Variants in TP63 observed in about 807,000 individuals in gnomAD.
The protein encoded by TP63 is tumor protein p63, also known as tumor protein 63.
A neutral mutation model predicts 82.8 loss-of-function variants in TP63; 17 were observed. The observed-to-expected ratio is 0.21, with a 90% CI of 0.14 to 0.31. The LOEUF is 0.31. Among genes scored for constraint, TP63 ranks in the 10% least tolerant of loss-of-function variants. The probability of loss-of-function intolerance (pLI) is 1.00; values close to 1 mark genes in which losing one functional copy is unlikely to be tolerated. For missense variants in TP63, 648 were observed against 895.3 expected (o/e 0.72, Z 3.52); for synonymous variants, 330 against 321.7 (o/e 1.03, Z -0.28).
rs1299845844 is a variant in TP63, at chr3:189,868,590, C to T, written c.1003C>T (p.Leu335=). 3.7e-6 allele frequency: 6 copies of T among 1,613,922 alleles called. No individual in the cohort carries two copies. In the Admixed American group the frequency reaches 1.0e-4, roughly 27 times the overall value. Residue 335 remains leucine (L), a synonymous_variant, in exon 8 of 14, where the codon CTG becomes TTG. Transcript: ENST00000264731. ...VTLETRDGQV[L]GRRCFEARIC... ...TATTCTAATTCCTAGTGGGCAAGTC[C>T]TGGGCCGACGCTGCTTTGAGGCCCG...
chr3:189,826,068 A>G (rs1161018448), intron 4 of TP63, among the ~76,000 whole-genome samples: 1 of 152,238 alleles, frequency 6.6e-6, no homozygotes, highest in Non-Finnish European at 1.5e-5. Flanking sequence ...TATTAAGGAC[A>G]TTTAAAACTT....
chr3:189,858,962 A>T (rs1014897333), intron 4 of TP63, among the ~76,000 whole-genome samples: 5 of 152,214 alleles, frequency 3.3e-5, no homozygotes, highest in Middle Eastern at 3.4e-3. Flanking sequence ...AGAGGCTGAG[A>T]AGGGGACACG....
intron 1 of TP63, among the ~76,000 whole-genome samples, chr3:189,699,997 G>T (rs1717681238): frequency 6.6e-6 from 1 of 152,156 alleles, no homozygotes; most frequent in East Asian, 1.9e-4. Context: ...GATGCTGTTT[G>T]GTGACTGGGG....
intron 1 of TP63, among the ~76,000 whole-genome samples, chr3:189,674,893 G>C (rs1383463442): frequency 1.3e-5 from 2 of 152,010 alleles, no homozygotes; most frequent in Non-Finnish European, 2.9e-5. Context: ...TGTAAAAACG[G>C]GTTAGGTTTT....
intron 6 of TP63, among the ~76,000 whole-genome samples, chr3:189,867,411 A>G (rs1411951365): frequency 6.6e-6 from 1 of 152,196 alleles, no homozygotes; most frequent in Non-Finnish European, 1.5e-5. Flanking sequence ...GATGTTATTA[A>G]TGGAAGTATA....
At chr3:189,798,507 A>G (rs942938166) in intron 3 of TP63, among the ~76,000 whole-genome samples, 5 of 152,094 alleles carry the variant, frequency 3.3e-5, no homozygotes, top group Non-Finnish European at 7.4e-5. Flanking sequence ...TTTGATTAAA[A>G]AAAAGTCTTA....
the TP63 span, among the ~76,000 whole-genome samples, chr3:189,607,411 A>G: frequency 2.6e-5 from 4 of 152,212 alleles, no homozygotes; most frequent in Non-Finnish European, 5.9e-5. Flanking sequence ...TTTCAAAATA[A>G]AAAGTTTATT....
intron 4 of TP63, among the ~76,000 whole-genome samples, chr3:189,834,384 T>C (rs1712812237): frequency 6.6e-6 from 1 of 152,176 alleles, no homozygotes; most frequent in African/African-American, 2.4e-5. Flanking sequence ...GGGAAATTAT[T>C]AATATGATTT....
intron 6 of TP63, 31 bp downstream of exon 6, chr3:189,866,828 A>G: frequency 6.4e-7 from 1 of 1,566,636 alleles, no homozygotes. Context: ...CCAAAAAACA[A>G]CACCTCTATG....
At chr3:189,633,223 G>T (rs374713804) in intron 1 of TP63, among the ~76,000 whole-genome samples, 23 of 151,024 alleles carry the variant, frequency 1.5e-4, no homozygotes, top group South Asian at 4.2e-4. Flanking sequence ...AGTATTTTTG[G>T]TTTTTTTTTA....
At chr3:189,680,806 C>A (rs1229281898) in intron 1 of TP63, among the ~76,000 whole-genome samples, 1 of 152,064 alleles carries the variant, frequency 6.6e-6, no homozygotes, top group Admixed American at 6.6e-5. Flanking sequence ...AGCCTAGGTA[C>A]AAGGGGTCCA....
At chr3:189,659,794 T>G (rs897628845) in intron 1 of TP63, among the ~76,000 whole-genome samples, 4 of 152,130 alleles carry the variant, frequency 2.6e-5, no homozygotes, top group Non-Finnish European at 5.9e-5. Flanking sequence ...TGCATTTTCC[T>G]GATGGTTAGT....
intron 3 of TP63, among the ~76,000 whole-genome samples, chr3:189,761,640 C>T (rs1053826546): frequency 4.6e-5 from 7 of 152,302 alleles, no homozygotes; most frequent in Admixed American, 2.0e-4. Flanking sequence ...AACCTCTGCC[C>T]GTTACCCAGT....
intron 1 of TP63, among the ~76,000 whole-genome samples, chr3:189,697,930 C>T (rs9829330): frequency 0.96 from 146,283 of 152,072 alleles, 70,424 homozygotes; most frequent in East Asian, 0.99. Context: ...CAAGAGGTAC[C>T]TGAAGACCCA....
chr3:189,775,626 AT>A (rs1426404745), intron 3 of TP63, among the ~76,000 whole-genome samples: 1 of 152,134 alleles, frequency 6.6e-6, no homozygotes, highest in African/African-American at 2.4e-5. Context: ...TCTTATCCTC[AT>A]TTCTTTTTAC....
intron 4 of TP63, among the ~76,000 whole-genome samples, chr3:189,810,640 G>C (rs889053153): frequency 7.9e-5 from 12 of 151,868 alleles, no homozygotes; most frequent in African/African-American, 2.9e-4. Flanking sequence ...GGCAGATCAC[G>C]AGGTCAGGAG....
At chr3:189,732,158 C>T (rs1463123168) in intron 1 of TP63, among the ~76,000 whole-genome samples, 1 of 152,100 alleles carries the variant, frequency 6.6e-6, no homozygotes, top group African/African-American at 2.4e-5. Flanking sequence ...CAAGTCCCAC[C>T]GACAATGGCT....
At chr3:189,702,358 G>GGCTTCT (rs1717878858) in intron 1 of TP63, among the ~76,000 whole-genome samples, 1 of 152,130 alleles carries the variant, frequency 6.6e-6, no homozygotes, top group African/African-American at 2.4e-5. Flanking sequence ...ACCCTCCAGG[G>GGCTTCT]GCTTCTCTGG....
chr3:189,824,892 G>A (rs539005046), intron 4 of TP63, among the ~76,000 whole-genome samples: 115 of 152,164 alleles, frequency 7.6e-4, no homozygotes, highest in Non-Finnish European at 1.5e-3. Context: ...GCTTGTTCAG[G>A]GGGAAAGCAA....
Sources: gnomAD v4.1 joint callset for allele counts (sites outside exome capture counted in the v4.1 genomes callset) on GRCh38, gnomAD v4.1.1 for gene constraint, MANE v1.5 for transcripts, NCBI Gene and HGNC (gene_info 2026-07-23, HGNC 2026-07-21) for gene names.